LIN52: variants seen among roughly 807,000 people sequenced by gnomAD.
LIN52 encodes protein lin-52 homolog.
A neutral mutation model predicts 18.5 loss-of-function variants in LIN52; 4 were observed. That is an observed-to-expected ratio of 0.22 (90% CI 0.11 to 0.49). The LOEUF is 0.49. LIN52 is among the 20% of genes least tolerant of loss of function. LIN52 has a pLI of 0.97. For synonymous variants in LIN52, 34 were observed against 45.5 expected, an observed-to-expected ratio of 0.75 and a Z score of 1.02; for missense variants, 102 against 139.5, an observed-to-expected ratio of 0.73 and a Z score of 1.35.
At position 74,184,916 on chromosome 14, in the gene LIN52, CTTTTTTCTTTTTTATTTA is replaced by C. The variant is rs1228430980; in HGVS notation, c.284-13996_284-13979del. Among the ~76,000 whole-genome samples, 6 of 152,000 alleles carry C rather than the reference CTTTTTTCTTTTTTATTTA, an allele frequency of 3.9e-5. No individual in the cohort carries two copies. The South Asian group carries it at 6.2e-4, about 16-fold the overall frequency. ...GTCTTTTGACATGACCCTAGTACAT[CTTTTTTCTTTTTTATTTA>C]TTTTTTCTTCTTTTTAAAAATTTTT... On this transcript the variant is annotated intron_variant, in intron 5 of 5. Coordinates refer to ENST00000555028, the MANE Select transcript of LIN52 (RefSeq NM_001024674.3).
At chr14:74,114,483 T>C in intron 5 of LIN52, 1 of 927,254 alleles carries the variant, frequency 1.1e-6, no homozygotes. Context: ...TTTTTAGGAG[T>C]AGGTAAATGT....
In LIN52 at chr14:74,199,020, T is replaced by TCC; in HGVS notation, c.*45_*46dup. The TCC allele has an allele frequency of 7.0e-7, 1 of 1,429,676 alleles. No individual in the cohort carries two copies. Among genetic ancestry groups the TCC allele is most frequent in the Non-Finnish European group, 9.9e-7 (1 of 1,014,208 alleles). 88.6% of individuals were successfully genotyped at this position (1,429,676 alleles called of 1,614,324 possible). A position where few individuals can be genotyped will look rare whatever the true frequency, so the allele number is the denominator to read the frequency against. On this transcript the variant is annotated 3_prime_UTR_variant, in exon 6 of 6. Coordinates refer to ENST00000555028, the MANE Select transcript of LIN52 (RefSeq NM_001024674.3). ...GATGTCCTGGGGTCCGAAACCAAGC[T>TCC]CCCTTCCCGGTGCACCTCTAACAAT...
chr14:74,188,546 C>G (rs1407582460), intron 5 of LIN52, among the ~76,000 whole-genome samples: 1 of 151,918 alleles, frequency 6.6e-6, no homozygotes, highest in Non-Finnish European at 1.5e-5. Context: ...AGCCCCTCCT[C>G]CCTCCACCCC....
intron 4 of LIN52, among the ~76,000 whole-genome samples, chr14:74,098,374 C>T (rs2060829420): frequency 6.6e-6 from 1 of 151,958 alleles, no homozygotes; most frequent in African/African-American, 2.4e-5. Flanking sequence ...CAAAAATCAA[C>T]CAGGCATGGT....
chr14:74,154,303 G>A (rs1053652110), intron 5 of LIN52, among the ~76,000 whole-genome samples: 3 of 152,080 alleles, frequency 2.0e-5, no homozygotes, highest in African/African-American at 4.8e-5. Flanking sequence ...TTTGTCTGAT[G>A]TATTTTTCAT....
chr14:74,110,392 G>T (rs1359141555), intron 5 of LIN52, among the ~76,000 whole-genome samples: 1 of 152,106 alleles, frequency 6.6e-6, no homozygotes, highest in African/African-American at 2.4e-5. Flanking sequence ...AAAAGAAAAA[G>T]ATTAAGGCCA....
At chr14:74,113,395 A>G (rs1321254378) in intron 5 of LIN52, among the ~76,000 whole-genome samples, 1 of 152,218 alleles carries the variant, frequency 6.6e-6, no homozygotes, top group Non-Finnish European at 1.5e-5. Flanking sequence ...CTGTCTCAAA[A>G]AAAAGGAAGG....
chr14:74,106,754 C>A (rs543326827), intron 5 of LIN52, among the ~76,000 whole-genome samples: 1 of 152,054 alleles, frequency 6.6e-6, no homozygotes, highest in African/African-American at 2.4e-5. Context: ...CCATGCCCAG[C>A]GTTTTAAAAA....
At chr14:74,193,832 A>G (rs1191363525) in intron 5 of LIN52, among the ~76,000 whole-genome samples, 1 of 152,114 alleles carries the variant, frequency 6.6e-6, no homozygotes, top group Admixed American at 6.5e-5. Flanking sequence ...CTGGCCACTC[A>G]TATTACAATC....
chr14:74,085,840 T>C (rs559153156), intron 1 of LIN52, among the ~76,000 whole-genome samples: 2 of 152,306 alleles, frequency 1.3e-5, no homozygotes, highest in African/African-American at 2.4e-5. Context: ...TTTATTGATA[T>C]ATAGGTTTCC....
chr14:74,177,816 C>T (rs1022546706), intron 5 of LIN52, among the ~76,000 whole-genome samples: 11 of 152,254 alleles, frequency 7.2e-5, no homozygotes, highest in South Asian at 4.2e-4. Context: ...CTCGCTCTGT[C>T]GCCCAGGCTG....
chr14:74,132,759 G>A (rs567577169), intron 5 of LIN52, among the ~76,000 whole-genome samples: 16 of 151,550 alleles, frequency 1.1e-4, no homozygotes, highest in African/African-American at 3.9e-4. Context: ...CGCCCGCCTC[G>A]GCCTCCCAAA....
chr14:74,122,658 G>C (rs896552120), intron 5 of LIN52, among the ~76,000 whole-genome samples: 12 of 152,254 alleles, frequency 7.9e-5, no homozygotes, highest in African/African-American at 2.6e-4. Context: ...TTGAGGTCAG[G>C]AGTTTGAGAT....
chr14:74,109,042 T>C (rs1030349091), intron 5 of LIN52, among the ~76,000 whole-genome samples: 3 of 152,198 alleles, frequency 2.0e-5, no homozygotes, highest in African/African-American at 7.2e-5. Flanking sequence ...TAGATTTAGG[T>C]CTTTGATTCA....
intron 5 of LIN52, among the ~76,000 whole-genome samples, chr14:74,181,817 A>G (rs1325791128): frequency 6.6e-6 from 1 of 152,196 alleles, no homozygotes; most frequent in African/African-American, 2.4e-5. Context: ...AATCACAGGG[A>G]AAATAACCAC....
chr14:74,185,309 C>CTTTTTTTT lies in LIN52; in HGVS notation c.284-13597_284-13590dup, dbSNP rs71115969. Among the ~76,000 whole-genome samples, 203 of 78,780 alleles carry CTTTTTTTT rather than the reference C, an allele frequency of 2.6e-3. 7 individuals are homozygous for CTTTTTTTT. Among genetic ancestry groups the CTTTTTTTT allele is most frequent in the African/African-American group, 3.4e-3 (64 of 18,868 alleles). The allele number at this position is 78,780 out of a possible 152,430, so 51.7% of individuals were successfully genotyped here. ...AATATATTTGATTTTATAATGATTT[C>CTTTTTTTT]TTTTTTTTTTTTTTTTTTTTTTTGA... On this transcript the variant is annotated intron_variant, in intron 5 of 5. Transcript: ENST00000555028.
intron 5 of LIN52, among the ~76,000 whole-genome samples, chr14:74,158,172 T>C (rs972172952): frequency 6.0e-5 from 9 of 150,936 alleles, no homozygotes; most frequent in African/African-American, 2.2e-4. Context: ...TAGAGCACAG[T>C]AGCGTGATCT....
Position 74,164,894 on chromosome 14 carries a change from G to A in LIN52, c.284-34028G>A, listed in dbSNP as rs545005640. On this transcript the variant is annotated intron_variant, in intron 5 of 5. Transcript: ENST00000555028. ...AAAAGCCCCTAAAATGAAAAATAAG[G>A]ACTGAAGGCAATGAATGGAAGGCAA... is the stretch of plus-strand genomic sequence containing the variant. 1.7e-4 allele frequency among the ~76,000 whole-genome samples: 26 copies of A among 152,184 alleles called. 1 individual carries two copies. In the South Asian group the frequency reaches 3.7e-3, roughly 22 times the overall value.
intron 5 of LIN52, among the ~76,000 whole-genome samples, chr14:74,196,104 T>C (rs1299282793): frequency 3.3e-5 from 5 of 152,230 alleles, no homozygotes; most frequent in African/African-American, 9.6e-5. Flanking sequence ...TAGGAGATGA[T>C]GTCTTTTGAA....
Sources: allele counts gnomAD v4.1 joint callset (sites outside exome capture counted in the v4.1 genomes callset), GRCh38; gene constraint gnomAD v4.1.1; transcripts MANE v1.5; gene names NCBI Gene and HGNC (gene_info 2026-07-23, HGNC 2026-07-21).